CACTIN: variants seen among roughly 807,000 people sequenced by gnomAD.
CACTIN encodes cactin, spliceosome C complex subunit, also known as splicing factor Cactin.
A neutral mutation model predicts 84.9 loss-of-function variants in CACTIN; 20 were observed. The ratio of observed to expected loss-of-function variants is 0.24; its 90% CI spans 0.17 to 0.34. CACTIN has a LOEUF of 0.34. CACTIN is among the 10% of genes least tolerant of loss of function. CACTIN has a pLI of 1.00. For missense variants in CACTIN, 897 were observed against 1,117.2 expected (o/e 0.80, Z 2.81); for synonymous variants, 549 against 467.9 (o/e 1.17, Z -2.24).
intron 2 of CACTIN, 30 bp from the exon 3 acceptor site, chr19:3,620,832 C>T: frequency 6.4e-7 from 1 of 1,572,484 alleles, no homozygotes; most frequent in Non-Finnish European, 8.7e-7. Flanking sequence ...CTGCCCTGAG[C>T]ACAGACCCGC....
At chr19:3,624,243 G>A (rs896707631) in intron 1 of CACTIN, 81 bp from the exon 2 acceptor site, 33 of 1,277,128 alleles carry the variant, frequency 2.6e-5, no homozygotes, top group Non-Finnish European at 3.3e-5. Flanking sequence ...GCCCGTGGGG[G>A]AGCAGGCACT....
chr19:3,626,505 G>T, intron 1 of CACTIN, 91 bp downstream of exon 1: 1 of 1,226,090 alleles, frequency 8.2e-7, no homozygotes, highest in Admixed American at 4.2e-5. Context: ...GTAAGTCGGG[G>T]GTTTCCCGGT....
chr19:3,614,256 G>A (rs1025982536), intron 7 of CACTIN, 141 bp downstream of exon 7: 56 of 882,988 alleles, frequency 6.3e-5, no homozygotes, highest in African/African-American at 3.1e-4. Context: ...GGCTGGCCCC[G>A]GCCAGTCGGC....
intron 7 of CACTIN, 25 bp from the exon 8 acceptor site, chr19:3,613,611 C>G (rs370432546): frequency 1.9e-6 from 3 of 1,587,244 alleles, no homozygotes; most frequent in Admixed American, 1.7e-5. Context: ...CGGGGTCACC[C>G]GCATGGAGGC....
chr19:3,613,766 G>A, intron 7 of CACTIN, 180 bp from the exon 8 acceptor site: 3 of 773,130 alleles, frequency 3.9e-6, no homozygotes, highest in East Asian at 2.8e-5. Context: ...ATGGGAGAGA[G>A]GACGAGAGGA....
Position 3,624,126 on chromosome 19 carries a change from C to T in CACTIN, c.204G>A (p.Gly68=), listed in dbSNP as rs1406030894. 1.9e-6 allele frequency: 3 copies of T among 1,579,686 alleles called. No individual in the cohort carries two copies. The highest frequency in any genetic ancestry group is 2.6e-6 in the Non-Finnish European group (3 of 1,166,114). Residue 68 remains glycine, a synonymous_variant, in exon 2 of 10, where the codon GGG becomes GGA. Transcript: ENST00000429344. ...DSEEERWQRS[G]MRSRSPPRPK... The stretch of plus-strand genomic sequence containing the variant: ...GCCGCGGGGGGCTCCGGCTTCGCAT[C>T]CCTGAGCGCTGCCACCGCTCTTCCT...
Position 3,611,301 on chromosome 19 carries a change from T to C in CACTIN, c.*622A>G. The C allele has an allele frequency of 2.2e-6, 1 of 455,082 alleles. No individual in the cohort carries two copies. The highest frequency in any genetic ancestry group is 1.6e-5 in the South Asian group (1 of 64,374). 28.2% of individuals were successfully genotyped at this position (455,082 alleles called of 1,614,324 possible). A position where few individuals can be genotyped will look rare whatever the true frequency, so the allele number is the denominator to read the frequency against. On this transcript the variant is annotated 3_prime_UTR_variant, in exon 10 of 10. Coordinates refer to ENST00000429344, the MANE Select transcript of CACTIN (RefSeq NM_001080543.2). ...GGCCAGTCCCTGCAGAGTGTGGGTG[T>C]CCACAGAGGGTCTCTTCTGCAGTGG...
intron 2 of CACTIN, among the ~76,000 whole-genome samples, chr19:3,623,391 T>TGGTAGCGGGCGC (rs2033265503): frequency 6.6e-6 from 1 of 151,154 alleles, no homozygotes. Context: ...TAGCCGGGCG[T>TGGTAGCGGGCGC]GGTAGCGGGC....
chr19:3,617,950 G>A (rs2033139633), intron 6 of CACTIN, among the ~76,000 whole-genome samples: 1 of 152,210 alleles, frequency 6.6e-6, no homozygotes, highest in Non-Finnish European at 1.5e-5. Context: ...TCTTTCCTAG[G>A]AAGGACCTGC....
chr19:3,618,177 C>CCGGCGG (rs56057264), intron 6 of CACTIN, among the ~76,000 whole-genome samples: 1 of 108,042 alleles, frequency 9.3e-6, no homozygotes, highest in African/African-American at 4.3e-5. Flanking sequence ...GCTTTTAGAC[C>CCGGCGG]GGGGGGGGGG....
At chr19:3,621,867 G>A (rs1441528384) in intron 2 of CACTIN, among the ~76,000 whole-genome samples, 3 of 152,168 alleles carry the variant, frequency 2.0e-5, no homozygotes, top group African/African-American at 2.4e-5. Flanking sequence ...GAAGGAGCTC[G>A]TTGTGTTCTC....
intron 3 of CACTIN, 75 bp downstream of exon 3, chr19:3,620,632 A>G: frequency 8.2e-7 from 1 of 1,225,338 alleles, no homozygotes; most frequent in Non-Finnish European, 1.1e-6. Context: ...AAGCCCCTCA[A>G]GTCCTGCCAA....
intron 3 of CACTIN, 123 bp downstream of exon 3, chr19:3,620,584 C>T: frequency 1.3e-6 from 1 of 750,094 alleles, no homozygotes; most frequent in Admixed American, 2.8e-5. Flanking sequence ...CCCCTGGATC[C>T]AGCCTTACCT....
At chr19:3,618,795 C>T (rs996711647) in intron 6 of CACTIN, 80 bp downstream of exon 6, 3 of 1,158,552 alleles carry the variant, frequency 2.6e-6, no homozygotes, top group Non-Finnish European at 1.2e-6. Context: ...GCACCAGGCC[C>T]CACAGCAAGT....
chr19:3,623,907 C>G lies in CACTIN; in HGVS notation c.423G>C (p.Gln141His). ...GCTCCTCCCGCAGCCGCAGCCGCTC[C>G]TGCAGGCTCTGCTGCTGGCTCAGGG... ...AAALSQQQSLQERLRLREERK... is the reference protein window; with the variant it reads ...AAALSQQQSLHERLRLREERK... The change falls in exon 2 of 10, where the codon CAG (glutamine) becomes CAC (histidine). Residue 141 changes from glutamine (Q) to histidine (H), a missense_variant. Around this residue, in one of 8 missense-constraint regions of CACTIN, gnomAD observed 261 missense variants for 243.8 expected, o/e 1.07. Coordinates refer to ENST00000429344, the MANE Select transcript of CACTIN (RefSeq NM_001080543.2). 6.2e-7 allele frequency: 1 copy of G among 1,606,550 alleles called. No homozygotes were observed. The highest frequency in any genetic ancestry group is 8.5e-7 in the Non-Finnish European group (1 of 1,179,664).
chr19:3,624,528 C>T (rs2033294967), intron 1 of CACTIN, among the ~76,000 whole-genome samples: 1 of 152,068 alleles, frequency 6.6e-6, no homozygotes, highest in Admixed American at 6.5e-5. Context: ...AGGGAGAGTG[C>T]TCGAGGCAGA....
Position 3,618,859 on chromosome 19 carries a change from C to G in CACTIN, c.1162+16G>C, listed in dbSNP as rs1362077099. 1 of 1,538,674 alleles carries G rather than the reference C, an allele frequency of 6.5e-7. No individual in the cohort carries two copies. The highest frequency in any genetic ancestry group is 1.4e-5 in the African/African-American group (1 of 72,838). ...CCCGCAGCTCCCCTGGAGCCCAGGC[C>G]CATGCCCGCCGTTACCTGGCCCCTT... On this transcript the variant is annotated intron_variant, in intron 6 of 9. Transcript: ENST00000429344.
At position 3,612,022 on chromosome 19, in the gene CACTIN, G is replaced by A; in HGVS notation, c.2178C>T (p.Arg726=). 6.2e-7 allele frequency: 1 copy of A among 1,613,692 alleles called. No individual in the cohort carries two copies. Among genetic ancestry groups the A allele is most frequent in the Non-Finnish European group, 8.5e-7 (1 of 1,179,902 alleles). ...CGTGGCGGTGCGAGTATTCCCACTCGCGGTTGACGATCTTGAAAGCGATGT... is the reference window on the plus strand; with the variant it reads ...CGTGGCGGTGCGAGTATTCCCACTCACGGTTGACGATCTTGAAAGCGATGT... ...YEDIAFKIVN[R]EWEYSHRHGF... Residue 726 remains arginine (R), a synonymous_variant, in exon 10 of 10, where the codon CGC becomes CGT. Coordinates refer to ENST00000429344, the MANE Select transcript of CACTIN (RefSeq NM_001080543.2).
At chr19:3,620,409 G>T in intron 3 of CACTIN, 137 bp from the exon 4 acceptor site, 1 of 1,031,204 alleles carries the variant, frequency 9.7e-7, no homozygotes, top group Non-Finnish European at 1.5e-6. Context: ...GCCTGGGCTG[G>T]TGGACAGACC....
Sources: allele counts gnomAD v4.1 joint callset (sites outside exome capture counted in the v4.1 genomes callset), GRCh38; gene constraint gnomAD v4.1.1; regional missense constraint gnomAD v4.1.1; transcripts MANE v1.5; gene names NCBI Gene and HGNC (gene_info 2026-07-23, HGNC 2026-07-21).